The following AFF4 variants were observed in gnomAD, a reference collection of about 807,000 sequenced individuals.
The protein encoded by AFF4 is ALF transcription elongation factor 4.
A neutral mutation model predicts 124.8 loss-of-function variants in AFF4; 13 were observed. The observed-to-expected ratio is 0.10, with a 90% CI of 0.07 to 0.17. The LOEUF (loss-of-function observed/expected upper bound fraction) is 0.17. AFF4 is among the 10% of genes least tolerant of loss of function. AFF4 has a pLI of 1.00. For synonymous variants in AFF4, 477 were observed against 496.1 expected (o/e 0.96, Z 0.51); for missense variants, 1,092 against 1,403.8 (o/e 0.78, Z 3.55).
chr5:132,887,343 C>T (rs1760142673), intron 17 of AFF4, among the ~76,000 whole-genome samples, 178 bp downstream of exon 17: 1 of 152,216 alleles, frequency 6.6e-6, no homozygotes, highest in Admixed American at 6.5e-5. Context: ...CAGAGACTGA[C>T]AACAACTCAA....
intron 1 of AFF4, among the ~76,000 whole-genome samples, chr5:132,955,924 C>T (rs995912461): frequency 1.4e-5 from 2 of 144,222 alleles, no homozygotes; most frequent in African/African-American, 2.5e-5. Context: ...ACTATACTTA[C>T]TATATTATAC....
At chr5:132,898,780 G>A (rs189310335) in intron 9 of AFF4, among the ~76,000 whole-genome samples, 177 of 152,242 alleles carry the variant, frequency 1.2e-3, no homozygotes, top group African/African-American at 2.9e-3. Context: ...CACCGCGCCC[G>A]GCTGCAACTT....
In AFF4 at chr5:132,896,683, T is replaced by A. The variant is rs1760409395; in HGVS notation, c.1947A>T (p.Ser649=). ...KSREIIETDT[S]SSDSDESESL... is the part of the protein sequence containing the mutation. Reference sequence around the variant, plus strand: ...TCTCACTTTCATCTGAATCTGAGGATGAGGTATCTGTTTCTATGATTTCCC... The same window carrying A: ...TCTCACTTTCATCTGAATCTGAGGAAGAGGTATCTGTTTCTATGATTTCCC... The change falls in exon 11 of 21, where the codon TCA becomes TCT. Residue 649 remains serine (S), a synonymous_variant. Coordinates refer to ENST00000265343, the MANE Select transcript of AFF4 (RefSeq NM_014423.4). The A allele has an allele frequency of 6.2e-7, 1 of 1,614,126 alleles. No individual in the cohort carries two copies. The highest frequency in any genetic ancestry group is 8.5e-7 in the Non-Finnish European group (1 of 1,180,000).
chr5:132,957,019 CAAAAAAAAAA>C lies in AFF4; in HGVS notation c.-5+6230_-5+6239del, dbSNP rs1180577709. Among the ~76,000 whole-genome samples the C allele has an allele frequency of 5.4e-4, 22 of 40,808 alleles. No homozygotes were observed. The East Asian group carries it at 0.016, about 29-fold the overall frequency. 26.8% of individuals were successfully genotyped at this position (40,808 alleles called of 152,430 possible). On this transcript the variant is annotated intron_variant, in intron 1 of 20. Coordinates refer to ENST00000265343, the MANE Select transcript of AFF4 (RefSeq NM_014423.4). ...TGGGTGACAGTGTGAGACTTCGTCT[CAAAAAAAAAA>C]AAAAAAAAAAAAAAAAAAAACAGAA...
intron 13 of AFF4, among the ~76,000 whole-genome samples, chr5:132,891,112 A>G (rs1045007149): frequency 6.6e-6 from 1 of 152,002 alleles, no homozygotes; most frequent in Non-Finnish European, 1.5e-5. Context: ...AGGATGGGAA[A>G]TGGAGAAAAA....
chr5:132,962,686 G>T (rs180765506), intron 1 of AFF4, among the ~76,000 whole-genome samples: 1 of 151,944 alleles, frequency 6.6e-6, no homozygotes, highest in Non-Finnish European at 1.5e-5. Context: ...CAAGCTACTG[G>T]GATAACTAGG....
intron 1 of AFF4, among the ~76,000 whole-genome samples, chr5:132,949,813 G>A (rs1761793532): frequency 6.9e-6 from 1 of 145,552 alleles, no homozygotes; most frequent in Non-Finnish European, 1.5e-5. Context: ...AGTGAGCAGA[G>A]ATCGCGCCAC....
At chr5:132,943,666 A>G in intron 1 of AFF4, 1 of 235,576 alleles carries the variant, frequency 4.2e-6, no homozygotes, top group Non-Finnish European at 9.3e-6. Flanking sequence ...TTTTCCTGGG[A>G]ACAATGGGGG....
Position 132,934,964 on chromosome 5 carries a change from A to T in AFF4, c.124-23T>A, listed in dbSNP as rs149493719. 1,237 of 1,461,502 alleles carry T rather than the reference A, an allele frequency of 8.5e-4. 2 individuals are homozygous for T. Among genetic ancestry groups the T allele is most frequent in the African/African-American group, 4.5e-3 (316 of 69,540 alleles). 90.5% of individuals were successfully genotyped at this position (1,461,502 alleles called of 1,614,324 possible). A position where few individuals can be genotyped will look rare whatever the true frequency, so the allele number is the denominator to read the frequency against. ...AGTCTACAAAAAAATAAAATAAAAT[A>T]AAATTATAAAATGAGCATAATCAGA... On this transcript the variant is annotated intron_variant, in intron 2 of 20. Coordinates refer to ENST00000265343, the MANE Select transcript of AFF4 (RefSeq NM_014423.4).
intron 20 of AFF4, among the ~76,000 whole-genome samples, chr5:132,881,455 T>C (rs990496938): frequency 6.6e-6 from 1 of 152,184 alleles, no homozygotes; most frequent in African/African-American, 2.4e-5. Context: ...AAATGATAAA[T>C]TGCTATTATG....
Position 132,897,037 on chromosome 5 carries a change from T to C in AFF4, c.1593A>G (p.Arg531=). 6.2e-7 allele frequency: 1 copy of C among 1,614,228 alleles called. No individual in the cohort carries two copies. The highest frequency in any genetic ancestry group is 1.1e-5 in the South Asian group (1 of 91,090). ...PKETSSATPG[R]DSKTIQKGSE... Reference sequence around the variant, plus strand: ...ATCCCTTTTGGATGGTTTTGGAGTCTCGTCCCGGAGTAGCGGAACTCGTTT... The same window carrying C: ...ATCCCTTTTGGATGGTTTTGGAGTCCCGTCCCGGAGTAGCGGAACTCGTTT... The change falls in exon 11 of 21, where the codon CGA becomes CGG. Residue 531 remains arginine, a synonymous_variant. Coordinates refer to ENST00000265343, the MANE Select transcript of AFF4 (RefSeq NM_014423.4).
intron 4 of AFF4, among the ~76,000 whole-genome samples, chr5:132,929,195 A>G (rs1761247906): frequency 6.6e-6 from 1 of 152,156 alleles, no homozygotes; most frequent in Admixed American, 6.5e-5. Flanking sequence ...CAGGAAAGGG[A>G]AAAGGAAACA....
In AFF4 at chr5:132,879,500, T is replaced by A. The variant is rs1759919549; in HGVS notation, c.*1559A>T. 5.0e-6 allele frequency: 1 copy of A among 201,970 alleles called. No homozygotes were observed. The highest frequency in any genetic ancestry group is 2.3e-5 in the African/African-American group (1 of 43,356). The allele number at this position is 201,970 out of a possible 1,614,324, so 12.5% of individuals were successfully genotyped here. A position where few individuals can be genotyped will look rare whatever the true frequency, so the allele number is the denominator to read the frequency against. On this transcript the variant is annotated 3_prime_UTR_variant, in exon 21 of 21. Transcript: ENST00000265343. ...TTTTCTGAAAGAACTAATCTTTATA[T>A]GACCCTAAAGAAAGATTTAAAATGA...
At chr5:132,906,986 TTTA>T (rs2150079598) in intron 5 of AFF4, among the ~76,000 whole-genome samples, 1 of 152,270 alleles carries the variant, frequency 6.6e-6, no homozygotes, top group East Asian at 1.9e-4. Flanking sequence ...CCTCAAATTG[TTTA>T]TTGTCTTATA....
At chr5:132,915,636 C>T (rs1191439312) in intron 5 of AFF4, among the ~76,000 whole-genome samples, 3 of 142,586 alleles carry the variant, frequency 2.1e-5, no homozygotes, top group Non-Finnish European at 4.5e-5. Flanking sequence ...GGTACGATCT[C>T]GGATCACTGC....
At position 132,904,825 on chromosome 5, in the gene AFF4, C is replaced by T. The variant is rs369247194; in HGVS notation, c.1051-421G>A. Among the ~76,000 whole-genome samples, 19 of 151,994 alleles carry T rather than the reference C, an allele frequency of 1.3e-4. No homozygotes were observed. In the East Asian group the frequency reaches 3.1e-3, roughly 25 times the overall value. ...CACTTTTTTGGGAGGCCGAGGCTGG[C>T]GGATCATGAGGTCAGGAGATCAAGA... On this transcript the variant is annotated intron_variant, in intron 5 of 20. Coordinates refer to ENST00000265343, the MANE Select transcript of AFF4 (RefSeq NM_014423.4).
At chr5:132,951,547 A>T (rs1198440367) in intron 1 of AFF4, among the ~76,000 whole-genome samples, 2 of 152,036 alleles carry the variant, frequency 1.3e-5, no homozygotes, top group Non-Finnish European at 2.9e-5. Context: ...CTTTTTTTTC[A>T]GACAGAGTCT....
At chr5:132,920,085 T>C (rs1296927661) in intron 5 of AFF4, among the ~76,000 whole-genome samples, 1 of 152,136 alleles carries the variant, frequency 6.6e-6, no homozygotes, top group Admixed American at 6.5e-5. Flanking sequence ...AGTCTTGCTC[T>C]GTTGCCCAGG....
At chr5:132,919,144 C>T (rs1329691563) in intron 5 of AFF4, among the ~76,000 whole-genome samples, 1 of 152,134 alleles carries the variant, frequency 6.6e-6, no homozygotes, top group African/African-American at 2.4e-5. Context: ...CCTCGGCCTC[C>T]CAAATTGCTG....
Sources: gnomAD v4.1 joint callset for allele counts (sites outside exome capture counted in the v4.1 genomes callset) on GRCh38, gnomAD v4.1.1 for gene constraint, MANE v1.5 for transcripts, NCBI Gene and HGNC (gene_info 2026-07-23, HGNC 2026-07-21) for gene names.